RBFOX1: variants seen among roughly 807,000 people sequenced by gnomAD.
The protein encoded by RBFOX1 is RNA binding protein fox-1 homolog 1.
Under a neutral mutation model 57.7 loss-of-function variants are expected in RBFOX1, and 8 were observed. The ratio of observed to expected loss-of-function variants is 0.14; its 90% CI spans 0.08 to 0.25. RBFOX1 has a LOEUF of 0.25. Among genes scored for constraint, RBFOX1 ranks in the 10% least tolerant of loss-of-function variants. The pLI is 1.00. For missense variants in RBFOX1, 611 were observed against 548.5 expected (o/e 1.11, Z -1.14); for synonymous variants, 326 against 222.4 (o/e 1.47, Z -4.15).
Position 7,100,691 on chromosome 16 carries a change from C to A in RBFOX1, c.27+48593C>A, listed in dbSNP as rs983793120. On this transcript the variant is annotated intron_variant, in intron 4 of 15. Coordinates refer to ENST00000550418, the MANE Select transcript of RBFOX1 (RefSeq NM_018723.4). The stretch of plus-strand genomic sequence containing the variant: ...ATATTAATGAAATGAACAATAACAA[C>A]TTTAAAAATGTACAAAATGGACAAG... Among the ~76,000 whole-genome samples, 6 of 149,614 alleles carry A rather than the reference C, an allele frequency of 4.0e-5. 1 individual carries two copies. The highest frequency in any genetic ancestry group is 6.8e-3 in the Middle Eastern group (2 of 292).
At chr16:5,408,433 A>C (rs904494473) in intron 1 of RBFOX1, among the ~76,000 whole-genome samples, 3 of 152,170 alleles carry the variant, frequency 2.0e-5, no homozygotes, top group Non-Finnish European at 2.9e-5. Context: ...AGTCTGAGCT[A>C]TTCAGAGGCC....
intron 2 of RBFOX1, among the ~76,000 whole-genome samples, chr16:5,476,074 C>T (rs960836777): frequency 6.6e-6 from 1 of 152,054 alleles, no homozygotes; most frequent in Non-Finnish European, 1.5e-5. Flanking sequence ...CACAGTGCCC[C>T]CTCCTTCTCT....
rs185849707 is a variant in RBFOX1, at chr16:7,712,154, T to C, written c.*1409T>C. 1 of 152,666 alleles carries C rather than the reference T, an allele frequency of 6.6e-6. No individual in the cohort carries two copies. The highest frequency in any genetic ancestry group is 6.5e-5 in the Admixed American group (1 of 15,288). The allele number at this position is 152,666 out of a possible 1,614,324, so 9.5% of individuals were successfully genotyped here. On this transcript the variant is annotated 3_prime_UTR_variant, in exon 16 of 16. Transcript: ENST00000550418. The stretch of plus-strand genomic sequence containing the variant: ...TTTGTCTGTACTTCTGTTTGAACTT[T>C]CCACGTTGTCCTGTTTACAAGTTAA...
chr16:5,842,812 A>AT (rs200270563), intron 3 of RBFOX1, among the ~76,000 whole-genome samples: 14 of 149,718 alleles, frequency 9.4e-5, no homozygotes, highest in South Asian at 4.2e-4. Flanking sequence ...TTTTGTTTTT[A>AT]TTTTTTTTTT....
At chr16:5,541,208 G>A (rs761556832) in intron 2 of RBFOX1, among the ~76,000 whole-genome samples, 2 of 152,020 alleles carry the variant, frequency 1.3e-5, no homozygotes, top group African/African-American at 2.4e-5. Flanking sequence ...AAGATAAGAA[G>A]CCCTGGAGTA....
chr16:7,158,171 A>C lies in RBFOX1; in HGVS notation c.27+106073A>C, dbSNP rs565648084. ...AGAACAGCCTGGCCAACATGGTGAA[A>C]CCCTGTCTCTATAAAAATACAAAAA... On this transcript the variant is annotated intron_variant, in intron 4 of 15. Transcript: ENST00000550418. Among the ~76,000 whole-genome samples, 30 of 152,150 alleles carry C rather than the reference A, an allele frequency of 2.0e-4. No homozygotes were observed. The East Asian group carries it at 5.2e-3, about 27-fold the overall frequency.
intron 4 of RBFOX1, among the ~76,000 whole-genome samples, chr16:5,949,841 T>C (rs2059484618): frequency 6.6e-6 from 1 of 152,172 alleles, no homozygotes; most frequent in Non-Finnish European, 1.5e-5. Context: ...AGAAATCCAT[T>C]CTAACAAGCC....
intron 1 of RBFOX1, among the ~76,000 whole-genome samples, chr16:6,150,451 C>G (rs1400196652): frequency 2.6e-5 from 4 of 151,930 alleles, no homozygotes; most frequent in Admixed American, 6.6e-5. Flanking sequence ...AAATTCTTTC[C>G]TTTCTGTTTT....
intron 5 of RBFOX1, among the ~76,000 whole-genome samples, chr16:7,530,968 C>G (rs1175143494): frequency 1.3e-5 from 2 of 152,110 alleles, no homozygotes; most frequent in African/African-American, 2.4e-5. Flanking sequence ...GACTTGCATG[C>G]CATCTCAGTG....
intron 3 of RBFOX1, among the ~76,000 whole-genome samples, chr16:6,682,660 A>C (rs548340548): frequency 1.2e-4 from 18 of 152,122 alleles, no homozygotes; most frequent in African/African-American, 4.3e-4. Flanking sequence ...GAGACAACCA[A>C]AAATGACTCT....
chr16:6,126,159 C>T (rs1383209251), intron 1 of RBFOX1, among the ~76,000 whole-genome samples: 1 of 152,172 alleles, frequency 6.6e-6, no homozygotes, highest in Non-Finnish European at 1.5e-5. Context: ...GGATTAAATA[C>T]CCCATTTGAA....
chr16:6,247,773 A>G (rs1429370726), intron 1 of RBFOX1, among the ~76,000 whole-genome samples: 1 of 152,210 alleles, frequency 6.6e-6, no homozygotes, highest in Admixed American at 6.5e-5. Context: ...ATTACTCTAC[A>G]GAGAGAGAGT....
intron 4 of RBFOX1, among the ~76,000 whole-genome samples, chr16:7,065,084 G>T (rs1598518083): frequency 6.6e-6 from 1 of 152,182 alleles, no homozygotes; most frequent in Admixed American, 6.5e-5. Context: ...GTGTTACTTG[G>T]TTTCATCTCT....
intron 2 of RBFOX1, among the ~76,000 whole-genome samples, chr16:5,530,900 C>T: frequency 8.0e-6 from 1 of 125,064 alleles, no homozygotes; most frequent in East Asian, 2.5e-4. Context: ...CCAGCCTGGC[C>T]AACATGGCGA....
intron 3 of RBFOX1, among the ~76,000 whole-genome samples, chr16:6,920,653 T>G (rs1290228909): frequency 1.3e-5 from 2 of 152,156 alleles, no homozygotes; most frequent in African/African-American, 4.8e-5. Context: ...GGAGAATACA[T>G]TTCATACCTC....
chr16:5,578,612 C>G (rs1193103892), intron 2 of RBFOX1, among the ~76,000 whole-genome samples: 1 of 152,184 alleles, frequency 6.6e-6, no homozygotes, highest in Non-Finnish European at 1.5e-5. Context: ...GAGAAAAAGC[C>G]TGCCTTGTTG....
At chr16:7,596,623 G>A (rs928284935) in intron 8 of RBFOX1, among the ~76,000 whole-genome samples, 5 of 151,838 alleles carry the variant, frequency 3.3e-5, no homozygotes, top group African/African-American at 4.8e-5. Context: ...TTGACTTGTC[G>A]TATTAAGTTT....
chr16:7,471,832 A>T (rs1393675773), intron 4 of RBFOX1, among the ~76,000 whole-genome samples: 1 of 152,220 alleles, frequency 6.6e-6, no homozygotes, highest in African/African-American at 2.4e-5. Flanking sequence ...GGCCTGACCC[A>T]CAGATTGGCT....
At chr16:7,326,255 G>C (rs1284032706) in intron 4 of RBFOX1, among the ~76,000 whole-genome samples, 2 of 152,206 alleles carry the variant, frequency 1.3e-5, no homozygotes, top group Admixed American at 6.5e-5. Context: ...TGCCAGCTAG[G>C]CCTTTACCAT....
Sources: allele counts gnomAD v4.1 joint callset (sites outside exome capture counted in the v4.1 genomes callset), GRCh38; gene constraint gnomAD v4.1.1; transcripts MANE v1.5; gene names NCBI Gene and HGNC (gene_info 2026-07-23, HGNC 2026-07-21).